Variants in FSTL5 observed in about 807,000 individuals in gnomAD.
The protein encoded by FSTL5 is follistatin-related protein 5.
Under a neutral mutation model 89.1 loss-of-function variants are expected in FSTL5, and 62 were observed. The observed-to-expected ratio is 0.70, with a 90% CI of 0.57 to 0.86. FSTL5 has a LOEUF of 0.86. Ranked by LOEUF, FSTL5 falls within the 40% of genes least tolerant of loss-of-function variation. The pLI is 0.00. For missense variants in FSTL5, 1,057 were observed against 1,001.6 expected (o/e 1.06, Z -0.75); for synonymous variants, 383 against 346.2 (o/e 1.11, Z -1.18).
intron 4 of FSTL5, among the ~76,000 whole-genome samples, chr4:161,890,543 C>T (rs1191197569): frequency 6.6e-6 from 1 of 151,786 alleles, no homozygotes; most frequent in South Asian, 2.1e-4. Flanking sequence ...CAAAAATTAG[C>T]CAGTCGTGGT....
intron 2 of FSTL5, among the ~76,000 whole-genome samples, chr4:162,071,508 G>C (rs1273064624): frequency 1.7e-4 from 26 of 151,600 alleles, no homozygotes; most frequent in Non-Finnish European, 4.4e-5. Context: ...AATGTTATTA[G>C]AGCTAAAGGA....
At chr4:161,976,583 G>A (rs1224748804) in intron 3 of FSTL5, among the ~76,000 whole-genome samples, 5 of 152,094 alleles carry the variant, frequency 3.3e-5, no homozygotes, top group Non-Finnish European at 7.4e-5. Context: ...CCGTGTTCAC[G>A]CCATTCTCCC....
intron 3 of FSTL5, among the ~76,000 whole-genome samples, chr4:161,926,091 C>G (rs1294243998): frequency 6.6e-6 from 1 of 151,778 alleles, no homozygotes; most frequent in Non-Finnish European, 1.5e-5. Flanking sequence ...GCATTCGAAC[C>G]TCACAAACTT....
At chr4:162,118,312 G>T (rs1561028682) in intron 1 of FSTL5, among the ~76,000 whole-genome samples, 1 of 151,846 alleles carries the variant, frequency 6.6e-6, no homozygotes, top group South Asian at 2.1e-4. Context: ...CCAGGCTGGA[G>T]TGCAGTGGCG....
At chr4:161,440,618 T>C (rs1649561501) in intron 15 of FSTL5, among the ~76,000 whole-genome samples, 1 of 152,184 alleles carries the variant, frequency 6.6e-6, no homozygotes, top group Non-Finnish European at 1.5e-5. Flanking sequence ...ACTATGATTC[T>C]GACTTGGTCG....
chr4:161,840,453 GT>G (rs1731175851), intron 4 of FSTL5, among the ~76,000 whole-genome samples: 1 of 152,098 alleles, frequency 6.6e-6, no homozygotes. Context: ...ATTTCTCAAT[GT>G]ATAATATAAT....
intron 6 of FSTL5, among the ~76,000 whole-genome samples, chr4:161,756,053 A>C (rs970144791): frequency 5.3e-5 from 8 of 152,060 alleles, no homozygotes; most frequent in African/African-American, 1.9e-4. Context: ...CTGAGGGATC[A>C]TTATATAGCT....
At chr4:161,478,170 T>C (rs116766209) in intron 13 of FSTL5, among the ~76,000 whole-genome samples, 7,786 of 152,164 alleles carry the variant, frequency 0.051, 206 homozygotes, top group Admixed American at 0.054. Flanking sequence ...TTCACCATAG[T>C]ACAAATTTAA....
intron 8 of FSTL5, among the ~76,000 whole-genome samples, chr4:161,550,689 C>G (rs34830372): frequency 6.6e-6 from 1 of 151,758 alleles, no homozygotes; most frequent in African/African-American, 2.4e-5. Context: ...CCCACTAACT[C>G]GTCATCTAGC....
Position 161,384,441 on chromosome 4 carries a change from A to G in FSTL5, c.*1306T>C, listed in dbSNP as rs993410987. ...TAAACCAGCTCTCTAGTTTTAATCT[A>G]CTTCTGCTGGCCTTCTCATTTCCTC... On this transcript the variant is annotated 3_prime_UTR_variant, in exon 16 of 16. Coordinates refer to ENST00000306100, the MANE Select transcript of FSTL5 (RefSeq NM_020116.5). 1 of 152,148 alleles carries G rather than the reference A, an allele frequency of 6.6e-6. No homozygotes were observed. Among genetic ancestry groups the G allele is most frequent in the African/African-American group, 2.4e-5 (1 of 41,452 alleles). The allele number at this position is 152,148 out of a possible 1,614,324, so 9.4% of individuals were successfully genotyped here.
chr4:161,598,215 A>T (rs976181354), intron 7 of FSTL5, among the ~76,000 whole-genome samples: 2 of 152,026 alleles, frequency 1.3e-5, no homozygotes, highest in African/African-American at 4.8e-5. Context: ...TCTCTACTAA[A>T]AATACAAAAA....
chr4:161,545,090 C>T (rs1292524173), intron 8 of FSTL5, among the ~76,000 whole-genome samples: 1 of 151,984 alleles, frequency 6.6e-6, no homozygotes. Context: ...ATGACTGATT[C>T]TGATTATCTT....
intron 5 of FSTL5, among the ~76,000 whole-genome samples, chr4:161,775,632 T>G (rs1047062894): frequency 6.6e-6 from 1 of 152,064 alleles, no homozygotes; most frequent in African/African-American, 2.4e-5. Flanking sequence ...CTTTAGGTAT[T>G]TAAGATATAG....
chr4:161,479,976 AT>A (rs1729439537), intron 13 of FSTL5, among the ~76,000 whole-genome samples: 1 of 152,132 alleles, frequency 6.6e-6, no homozygotes, highest in Non-Finnish European at 1.5e-5. Flanking sequence ...GGATGAATGA[AT>A]GGATCCATGT....
chr4:161,726,354 G>A (rs1195171750), intron 6 of FSTL5, among the ~76,000 whole-genome samples: 3 of 150,526 alleles, frequency 2.0e-5, no homozygotes, highest in South Asian at 4.2e-4. Flanking sequence ...AGCCTCCCGA[G>A]TAGCTGGGAC....
At chr4:161,835,225 G>A (rs920345474) in intron 4 of FSTL5, among the ~76,000 whole-genome samples, 1 of 151,814 alleles carries the variant, frequency 6.6e-6, no homozygotes, top group African/African-American at 2.4e-5. Flanking sequence ...TTTAATAAAT[G>A]GTGCTGGGAA....
intron 4 of FSTL5, among the ~76,000 whole-genome samples, chr4:161,825,028 T>C (rs1310838672): frequency 2.0e-5 from 3 of 151,946 alleles, no homozygotes; most frequent in South Asian, 2.1e-4. Context: ...GGCTGTGGGG[T>C]TGTCATAGAT....
chr4:162,153,640 ATG>A (rs374293599), intron 1 of FSTL5, among the ~76,000 whole-genome samples: 6,814 of 104,274 alleles, frequency 0.065, 396 homozygotes, highest in African/African-American at 0.14. Context: ...ATAATAATAT[ATG>A]TATATTATAT....
At chr4:161,929,086 A>G (rs1224630543) in intron 3 of FSTL5, among the ~76,000 whole-genome samples, 1 of 151,140 alleles carries the variant, frequency 6.6e-6, no homozygotes, top group Admixed American at 6.6e-5. Flanking sequence ...CTGTGACTAG[A>G]TTTGTCTTCC....
Sources: gnomAD v4.1 joint callset for allele counts (sites outside exome capture counted in the v4.1 genomes callset) on GRCh38, gnomAD v4.1.1 for gene constraint, MANE v1.5 for transcripts, NCBI Gene and HGNC (gene_info 2026-07-23, HGNC 2026-07-21) for gene names.